SH3RF3: variants seen among roughly 807,000 people sequenced by gnomAD.
The protein encoded by SH3RF3 is E3 ubiquitin-protein ligase SH3RF3.
A neutral mutation model predicts 66.3 loss-of-function variants in SH3RF3; 29 were observed. The observed-to-expected ratio is 0.44, with a 90% CI of 0.33 to 0.60. SH3RF3 has a LOEUF of 0.60. SH3RF3 is among the 20% of genes least tolerant of loss of function. The pLI is 0.04. For synonymous variants in SH3RF3, 583 were observed against 532.0 expected (o/e 1.10, Z -1.32); for missense variants, 1,194 against 1,190.9 (o/e 1.00, Z -0.04).
intron 4 of SH3RF3, among the ~76,000 whole-genome samples, chr2:109,412,092 G>A (rs1317762021): frequency 2.0e-5 from 3 of 152,232 alleles, no homozygotes; most frequent in Non-Finnish European, 4.4e-5. Flanking sequence ...GTTGCTTTAC[G>A]TTGGACTCAC....
intron 1 of SH3RF3, among the ~76,000 whole-genome samples, chr2:109,278,258 C>T (rs1022015893): frequency 1.3e-5 from 2 of 152,176 alleles, no homozygotes; most frequent in Non-Finnish European, 2.9e-5. Context: ...CCTGAGCCCA[C>T]GGTAGGCACT....
Position 109,276,491 on chromosome 2 carries a change from G to A in SH3RF3, c.574-71183G>A, listed in dbSNP as rs180948812. 2.0e-5 allele frequency among the ~76,000 whole-genome samples: 3 copies of A among 152,308 alleles called. No homozygotes were observed. In the East Asian group the frequency reaches 5.8e-4, roughly 29 times the overall value. ...GCTTTAGCCCAGGTGTCGCTGCATG[G>A]AAGGCCTTGTTCAAGCCACTTAGTG... is the stretch of plus-strand genomic sequence containing the variant. On this transcript the variant is annotated intron_variant, in intron 1 of 9. Coordinates refer to ENST00000309415, the MANE Select transcript of SH3RF3 (RefSeq NM_001099289.3).
chr2:109,275,087 T>TA (rs201303613), intron 1 of SH3RF3, among the ~76,000 whole-genome samples: 98 of 150,852 alleles, frequency 6.5e-4, no homozygotes, highest in Middle Eastern at 3.4e-3. Flanking sequence ...CTTCCACCAT[T>TA]AAAAAAAAAG....
At chr2:109,275,965 G>C (rs1474317453) in intron 1 of SH3RF3, among the ~76,000 whole-genome samples, 1 of 152,166 alleles carries the variant, frequency 6.6e-6, no homozygotes, top group Non-Finnish European at 1.5e-5. Context: ...CACGTCATGT[G>C]CAGCTGGGTG....
chr2:109,274,823 A>G (rs1054652129), intron 1 of SH3RF3, among the ~76,000 whole-genome samples: 2 of 152,112 alleles, frequency 1.3e-5, no homozygotes, highest in African/African-American at 4.8e-5. Flanking sequence ...TCTAAGCACC[A>G]TTTATACTGT....
In SH3RF3 at chr2:109,371,606, C is replaced by T. The variant is rs368784975; in HGVS notation, c.870C>T (p.Leu290=). 6 of 1,613,892 alleles carry T rather than the reference C, an allele frequency of 3.7e-6. No homozygotes were observed. Among genetic ancestry groups the T allele is most frequent in the African/African-American group, 1.3e-5 (1 of 74,928 alleles). ...TFTKDEILTV[L]RRVDENWAEG... ...TGCAGGACGAGATTCTGACGGTGCT[C>T]AGGAGAGTGGATGAGAACTGGGCGG... The change falls in exon 3 of 10, where the codon CTC becomes CTT. Residue 290 remains leucine (L), a synonymous_variant. Coordinates refer to ENST00000309415, the MANE Select transcript of SH3RF3 (RefSeq NM_001099289.3).
At chr2:109,288,000 A>G (rs1326635916) in intron 1 of SH3RF3, among the ~76,000 whole-genome samples, 8 of 151,302 alleles carry the variant, frequency 5.3e-5, no homozygotes, top group Non-Finnish European at 1.0e-4. Flanking sequence ...GAGCCCTGGC[A>G]TGGGCCATCC....
intron 1 of SH3RF3, among the ~76,000 whole-genome samples, chr2:109,168,214 T>C (rs1238699348): frequency 6.6e-6 from 1 of 152,336 alleles, no homozygotes; most frequent in East Asian, 1.9e-4. Context: ...GGTTACAAAT[T>C]CAGAGCTTTT....
At chr2:109,382,907 A>G (rs1010205847) in intron 3 of SH3RF3, among the ~76,000 whole-genome samples, 15 of 152,054 alleles carry the variant, frequency 9.9e-5, no homozygotes, top group Admixed American at 5.2e-4. Context: ...ATCTCATTCT[A>G]TGGATTAATG....
At chr2:109,442,857 A>C (rs1316630703) in intron 7 of SH3RF3, among the ~76,000 whole-genome samples, 4 of 152,270 alleles carry the variant, frequency 2.6e-5, no homozygotes, top group African/African-American at 9.6e-5. Flanking sequence ...TAATCATGTA[A>C]GTAATCACAC....
intron 1 of SH3RF3, among the ~76,000 whole-genome samples, chr2:109,237,886 A>C (rs928497373): frequency 6.6e-6 from 1 of 152,230 alleles, no homozygotes; most frequent in African/African-American, 2.4e-5. Flanking sequence ...TAGTGTGGAG[A>C]TTGCTAAATA....
At chr2:109,394,954 T>C (rs1323357356) in intron 3 of SH3RF3, among the ~76,000 whole-genome samples, 1 of 152,240 alleles carries the variant, frequency 6.6e-6, no homozygotes, top group Non-Finnish European at 1.5e-5. Flanking sequence ...GGCGAGGGCA[T>C]CCTGTGACCG....
intron 3 of SH3RF3, among the ~76,000 whole-genome samples, chr2:109,385,813 C>G: frequency 6.6e-6 from 1 of 151,892 alleles, no homozygotes; most frequent in East Asian, 1.9e-4. Context: ...GCACCAGAAA[C>G]AAAAAAAATA....
chr2:109,312,929 A>G (rs1681765920), intron 1 of SH3RF3, among the ~76,000 whole-genome samples: 1 of 152,130 alleles, frequency 6.6e-6, no homozygotes, highest in Non-Finnish European at 1.5e-5. Context: ...GGTGTACGTT[A>G]TTGAAGAGCC....
At chr2:109,164,240 A>G (rs1677563042) in intron 1 of SH3RF3, among the ~76,000 whole-genome samples, 1 of 152,046 alleles carries the variant, frequency 6.6e-6, no homozygotes, top group East Asian at 1.9e-4. Flanking sequence ...GTGCAGTAAC[A>G]TGACTGATCA....
intron 1 of SH3RF3, among the ~76,000 whole-genome samples, chr2:109,269,130 TG>T (rs1159548752): frequency 6.6e-6 from 1 of 152,206 alleles, no homozygotes; most frequent in Non-Finnish European, 1.5e-5. Context: ...TGAGTGGCAT[TG>T]GAAGCGTGGG....
intron 1 of SH3RF3, among the ~76,000 whole-genome samples, chr2:109,182,457 G>T (rs1369557146): frequency 6.6e-6 from 1 of 152,170 alleles, no homozygotes; most frequent in African/African-American, 2.4e-5. Flanking sequence ...AACTTTGGGG[G>T]ACACACTCAA....
chr2:109,482,039 A>G (rs1399335563), intron 8 of SH3RF3, among the ~76,000 whole-genome samples: 2 of 152,196 alleles, frequency 1.3e-5, no homozygotes, highest in Admixed American at 6.5e-5. Flanking sequence ...GGTTATGTGC[A>G]TTGCCTTGCT....
chr2:109,302,204 A>G (rs992164412), intron 1 of SH3RF3, among the ~76,000 whole-genome samples: 1 of 152,206 alleles, frequency 6.6e-6, no homozygotes, highest in Admixed American at 6.5e-5. Flanking sequence ...GCTGGGACAC[A>G]TGCAATTTGT....
Sources: gnomAD v4.1 joint callset for allele counts (sites outside exome capture counted in the v4.1 genomes callset) on GRCh38, gnomAD v4.1.1 for gene constraint, MANE v1.5 for transcripts, NCBI Gene and HGNC (gene_info 2026-07-23, HGNC 2026-07-21) for gene names.